The following DACH1 variants were observed in gnomAD, a reference collection of about 807,000 sequenced individuals.
DACH1 encodes dachshund homolog 1.
DACH1 carries 12 observed loss-of-function variants against 54.2 expected under a neutral mutation model. The observed-to-expected ratio is 0.22, with a 90% CI of 0.14 to 0.36. DACH1 has a LOEUF of 0.36. DACH1 is among the 10% of genes least tolerant of loss of function. The pLI is 1.00. For missense variants in DACH1, 805 were observed against 929.8 expected (o/e 0.87, Z 1.75); for synonymous variants, 386 against 366.2 (o/e 1.05, Z -0.62).
At chr13:71,842,874 A>G (rs1442775599) in intron 1 of DACH1, among the ~76,000 whole-genome samples, 1 of 152,188 alleles carries the variant, frequency 6.6e-6, no homozygotes, top group Non-Finnish European at 1.5e-5. Flanking sequence ...TGACTTGTCA[A>G]TTGGGTGTCT....
chr13:71,841,965 G>T (rs1295722712), intron 1 of DACH1, among the ~76,000 whole-genome samples: 1 of 151,994 alleles, frequency 6.6e-6, no homozygotes, highest in African/African-American at 2.4e-5. Flanking sequence ...CATCTTGCTG[G>T]TTAGGCATTA....
chr13:71,658,709 CATTGT>C (rs1397262330), intron 2 of DACH1, among the ~76,000 whole-genome samples: 1 of 152,114 alleles, frequency 6.6e-6, no homozygotes, highest in East Asian at 1.9e-4. Context: ...AAACCTACAA[CATTGT>C]ATTCCAAAAA....
chr13:71,719,100 T>A (rs1566455989), intron 1 of DACH1, among the ~76,000 whole-genome samples: 1 of 152,182 alleles, frequency 6.6e-6, no homozygotes, highest in Admixed American at 6.5e-5. Context: ...CATCTACACA[T>A]CTTAGTATTT....
intron 1 of DACH1, among the ~76,000 whole-genome samples, chr13:71,688,765 T>A (rs1881315801): frequency 6.6e-6 from 1 of 152,192 alleles, no homozygotes; most frequent in Admixed American, 6.5e-5. Flanking sequence ...TGGCAGGTAA[T>A]TCAGTACACC....
At chr13:71,493,825 ATT>A (rs1879189159) in intron 6 of DACH1, among the ~76,000 whole-genome samples, 1 of 152,146 alleles carries the variant, frequency 6.6e-6, no homozygotes, top group South Asian at 2.1e-4. Flanking sequence ...GGAGTTAGAA[ATT>A]TTAAAAGTTT....
chr13:71,722,899 A>G (rs1883295278), intron 1 of DACH1, among the ~76,000 whole-genome samples: 1 of 151,826 alleles, frequency 6.6e-6, no homozygotes, highest in Non-Finnish European at 1.5e-5. Flanking sequence ...GATTCTTATC[A>G]CCTCCTCCCT....
At chr13:71,671,667 G>A (rs188375021) in intron 2 of DACH1, among the ~76,000 whole-genome samples, 2 of 152,054 alleles carry the variant, frequency 1.3e-5, no homozygotes, top group East Asian at 1.9e-4. Context: ...GGTTAGCGAG[G>A]GAGAATAAGT....
chr13:71,844,656 A>C (rs1471109936), intron 1 of DACH1, among the ~76,000 whole-genome samples: 1 of 152,190 alleles, frequency 6.6e-6, no homozygotes, highest in Non-Finnish European at 1.5e-5. Context: ...AAATTTAGCT[A>C]TACCACCGTT....
At chr13:71,465,733 T>C (rs1237826904) in intron 10 of DACH1, among the ~76,000 whole-genome samples, 5 of 152,110 alleles carry the variant, frequency 3.3e-5, no homozygotes, top group African/African-American at 1.2e-4. Flanking sequence ...GATAATACTA[T>C]ACTGTATAAA....
intron 1 of DACH1, among the ~76,000 whole-genome samples, chr13:71,835,323 A>G (rs995442925): frequency 2.0e-5 from 3 of 152,120 alleles, no homozygotes; most frequent in African/African-American, 4.8e-5. Flanking sequence ...GAAGTAAACT[A>G]AAGAAAAAAT....
At chr13:71,722,558 T>A (rs1883276492) in intron 1 of DACH1, among the ~76,000 whole-genome samples, 1 of 152,132 alleles carries the variant, frequency 6.6e-6, no homozygotes, top group African/African-American at 2.4e-5. Context: ...GAGCTTGGCT[T>A]ATATCAATGT....
chr13:71,625,816 C>T (rs1463414437), intron 3 of DACH1, among the ~76,000 whole-genome samples: 2 of 151,982 alleles, frequency 1.3e-5, no homozygotes, highest in African/African-American at 2.4e-5. Context: ...AAGTACTTCC[C>T]TTCCTTAAAG....
At chr13:71,725,993 C>T (rs1222820465) in intron 1 of DACH1, among the ~76,000 whole-genome samples, 2 of 152,034 alleles carry the variant, frequency 1.3e-5, no homozygotes, top group African/African-American at 2.4e-5. Flanking sequence ...CTTGGAGAAC[C>T]TGTTGAAAGT....
At chr13:71,467,965 G>A (rs886367343) in intron 10 of DACH1, among the ~76,000 whole-genome samples, 2 of 152,076 alleles carry the variant, frequency 1.3e-5, no homozygotes, top group African/African-American at 4.8e-5. Context: ...AACAGTTTTA[G>A]TCCTGATTTG....
At chr13:71,785,324 T>C (rs1594218559) in intron 1 of DACH1, among the ~76,000 whole-genome samples, 1 of 152,310 alleles carries the variant, frequency 6.6e-6, no homozygotes, top group East Asian at 1.9e-4. Flanking sequence ...TGAAAAAAAG[T>C]AAATTCTTGT....
intron 3 of DACH1, among the ~76,000 whole-genome samples, chr13:71,581,621 G>T (rs569775208): frequency 6.6e-6 from 1 of 152,168 alleles, no homozygotes; most frequent in Admixed American, 6.5e-5. Context: ...TTAACATTTT[G>T]GAAATAAGCT....
intron 2 of DACH1, among the ~76,000 whole-genome samples, chr13:71,655,845 A>G (rs1045530024): frequency 3.3e-5 from 5 of 152,076 alleles, no homozygotes; most frequent in African/African-American, 1.2e-4. Flanking sequence ...TTTTGTTCAT[A>G]TTCCCAAGAA....
At chr13:71,855,400 G>A (rs1873938222) in intron 1 of DACH1, among the ~76,000 whole-genome samples, 1 of 151,990 alleles carries the variant, frequency 6.6e-6, no homozygotes, top group African/African-American at 2.4e-5. Flanking sequence ...ATATGGAGAA[G>A]TAGGTCTTGA....
At chr13:71,709,152 CG>C (rs1882594558) in intron 1 of DACH1, among the ~76,000 whole-genome samples, 2 of 151,910 alleles carry the variant, frequency 1.3e-5, no homozygotes, top group Non-Finnish European at 2.9e-5. Context: ...CGTGCCTGGC[CG>C]TATTTTTTAA....
Sources: gnomAD v4.1 joint callset for allele counts (sites outside exome capture counted in the v4.1 genomes callset) on GRCh38, gnomAD v4.1.1 for gene constraint, MANE v1.5 for transcripts, NCBI Gene and HGNC (gene_info 2026-07-23, HGNC 2026-07-21) for gene names.